Variants in FAM83G observed in about 807,000 individuals in gnomAD.
The protein encoded by FAM83G is protein FAM83G.
FAM83G carries 38 observed loss-of-function variants against 61.5 expected under a neutral mutation model. The ratio of observed to expected loss-of-function variants is 0.62; its 90% confidence interval spans 0.48 to 0.81. FAM83G has a LOEUF of 0.81. Among genes scored for constraint, FAM83G ranks in the 30% least tolerant of loss-of-function variants. The pLI is 0.00. For synonymous variants in FAM83G, 470 were observed against 476.1 expected, an observed-to-expected ratio of 0.99 and a Z score of 0.17; for missense variants, 989 against 1,133.6, an observed-to-expected ratio of 0.87 and a Z score of 1.83.
Position 19,003,751 on chromosome 17 carries a change from G to T in FAM83G, c.291C>A (p.Asp97Glu). 6.2e-7 allele frequency: 1 copy of T among 1,605,584 alleles called. No individual in the cohort carries two copies. The highest frequency in any genetic ancestry group is 1.1e-5 in the South Asian group (1 of 90,640). ...CATCCGCCCCGCTGGCTTCCTCGCC[G>T]TCGCCGACCCCATTGTCCTCGGGCC... is the stretch of plus-strand genomic sequence containing the variant. ...SQGPEDNGVG[D>E]GEEASGADGV... The change falls in exon 2 of 6, where the codon GAC (aspartate) becomes GAA (glutamate). Residue 97 changes from aspartate (D) to glutamate (E), a missense_variant. Transcript: ENST00000388995. This position sits in a 1 kb window ranked among gnomAD's most constrained non-coding sequence, Gnocchi z 4.5.
rs776759928 is a variant in FAM83G at position 18,969,065 on chromosome 17, C to T, written c.*2294G>A. 14 of 1,613,596 alleles carry T rather than the reference C, an allele frequency of 8.7e-6. No homozygotes were observed. The highest frequency in any genetic ancestry group is 3.3e-5 in the Admixed American group (2 of 59,940). On this transcript the variant is annotated 3_prime_UTR_variant, in exon 6 of 6. Coordinates refer to ENST00000388995, the MANE Select transcript of FAM83G (RefSeq NM_001039999.3). ...CTCCCTCCGCAGCTGGACCTGTACG[C>T]GGGGGCTCTGTTTGTGCACATCTGC...
chr17:18,970,963 C>T lies in FAM83G; in HGVS notation c.*396G>A. On this transcript the variant is annotated 3_prime_UTR_variant, in exon 6 of 6. Transcript: ENST00000388995. ...GAAGGCAGGGGGGAGCCCAGGGAGT[C>T]AGGGCCCCGCAACCACCAAACTGTC... The T allele has an allele frequency of 6.3e-7, 1 of 1,578,244 alleles. No individual in the cohort carries two copies. The highest frequency in any genetic ancestry group is 1.1e-5 in the South Asian group (1 of 90,206).
At chr17:18,979,241 A>G (rs2043067586) in intron 4 of FAM83G, 1 of 471,760 alleles carries the variant, frequency 2.1e-6, no homozygotes. Context: ...GGTGGTGCCC[A>G]CAGAGCTGGC....
At chr17:18,992,266 G>C (rs1490418553) in intron 2 of FAM83G, among the ~76,000 whole-genome samples, 1 of 152,132 alleles carries the variant, frequency 6.6e-6, no homozygotes, top group Admixed American at 6.5e-5. Flanking sequence ...CTGTGTCCTT[G>C]GGACAGGGGG....
rs537020289 is a variant in FAM83G at position 18,968,838 on chromosome 17, C to A, written c.*2521G>T. 2 of 573,828 alleles carry A rather than the reference C, an allele frequency of 3.5e-6. No individual in the cohort carries two copies. The highest frequency in any genetic ancestry group is 6.2e-6 in the Non-Finnish European group (2 of 323,246). 35.5% of individuals were successfully genotyped at this position (573,828 alleles called of 1,614,324 possible). ...TGGACTTTATTAGCAACAGTAATGT[C>A]CCCTGACATCCGCACAAGCTTGTAG... On this transcript the variant is annotated 3_prime_UTR_variant, in exon 6 of 6. Transcript: ENST00000388995. This position sits in a 1 kb window ranked among gnomAD's most constrained non-coding sequence, Gnocchi z 4.1.
chr17:18,979,495 A>G (rs1418921602), intron 4 of FAM83G, 54 bp downstream of exon 4: 1 of 1,601,714 alleles, frequency 6.2e-7, no homozygotes. Context: ...GGCAGAAGCC[A>G]GTTGGGAGCC....
intron 2 of FAM83G, among the ~76,000 whole-genome samples, chr17:18,992,284 C>T (rs2043446547): frequency 6.6e-6 from 1 of 152,140 alleles, no homozygotes; most frequent in African/African-American, 2.4e-5. Flanking sequence ...GGGACATCCG[C>T]CTCCATGTGA....
At chr17:18,997,385 G>A (rs980761530) in intron 2 of FAM83G, among the ~76,000 whole-genome samples, 5 of 152,218 alleles carry the variant, frequency 3.3e-5, no homozygotes, top group African/African-American at 4.8e-5. Flanking sequence ...ATCCTTTCCC[G>A]CTGGCCGCAA....
rs1031911852 is a variant in FAM83G, at chr17:18,969,535, G to A, written c.*1824C>T. The A allele has an allele frequency of 1.4e-5, 14 of 1,017,432 alleles. No individual in the cohort carries two copies. The highest frequency in any genetic ancestry group is 7.6e-5 in the East Asian group (3 of 39,578). The allele number at this position is 1,017,432 out of a possible 1,614,324, so 63.0% of individuals were successfully genotyped here. On this transcript the variant is annotated 3_prime_UTR_variant, in exon 6 of 6. Coordinates refer to ENST00000388995, the MANE Select transcript of FAM83G (RefSeq NM_001039999.3). ...TGCCGTTGGGGTTCTGGGTAGCATC[G>A]CTGGGAGTGGGTGGGTTCAGGAGGT...
rs2043822611 is a variant in FAM83G, at chr17:19,004,361, G to A, written c.-128-192C>T. On this transcript the variant is annotated intron_variant, in intron 1 of 5. Transcript: ENST00000388995. This position sits in a 1 kb window ranked among gnomAD's most constrained non-coding sequence, Gnocchi z 5.4. The stretch of plus-strand genomic sequence containing the variant: ...GGATCGGAACAGCGGTGAGGGAGCG[G>A]TGGGCCACGTCCCAGGGCTCAGCGT... 7.5e-6 allele frequency: 2 copies of A among 267,860 alleles called. No homozygotes were observed. Among genetic ancestry groups the A allele is most frequent in the South Asian group, 6.9e-5 (1 of 14,532 alleles). 16.6% of individuals were successfully genotyped at this position (267,860 alleles called of 1,614,324 possible). A position where few individuals can be genotyped will look rare whatever the true frequency, so the allele number is the denominator to read the frequency against.
Position 18,971,573 on chromosome 17 carries a change from C to T in FAM83G, c.2258G>A (p.Arg753His), listed in dbSNP as rs769798616. ...TGGGCTGCCGGGATCCGGAAGCAGG[C>T]GGGGTACCTGACCTCCCTTGGCCTG... Reference protein sequence around the residue: ...HWQAKGGQVPRLLPDPGSPRL... With the variant: ...HWQAKGGQVPHLLPDPGSPRL... Residue 753 changes from arginine to histidine, a missense_variant, in exon 6 of 6, where the codon CGC becomes CAC. This residue lies in a region of FAM83G where 574 missense variants were observed against 645.1 expected (regional missense o/e 0.89). Transcript: ENST00000388995. The surrounding 1 kb of genome is among the most constrained non-coding windows in gnomAD (Gnocchi z 5.5). The T allele has an allele frequency of 2.4e-5, 38 of 1,613,480 alleles. No individual in the cohort carries two copies. Among genetic ancestry groups the T allele is most frequent in the African/African-American group, 4.0e-5 (3 of 74,892 alleles).
At position 18,971,556 on chromosome 17, in the gene FAM83G, C is replaced by T. The variant is rs191412288; in HGVS notation, c.2275G>A (p.Gly759Ser). 1.6e-4 allele frequency: 256 copies of T among 1,613,816 alleles called. No homozygotes were observed. Among genetic ancestry groups the T allele is most frequent in the Middle Eastern group, 4.9e-4 (3 of 6,062 alleles). The change falls in exon 6 of 6, where the codon GGC becomes AGC. Residue 759 changes from glycine to serine, a missense_variant. By Grantham distance (56) the Gly-to-Ser change is moderately conservative. This residue lies in a region of FAM83G where 574 missense variants were observed against 645.1 expected (regional missense o/e 0.89). Coordinates refer to ENST00000388995, the MANE Select transcript of FAM83G (RefSeq NM_001039999.3). This position sits in a 1 kb window ranked among gnomAD's most constrained non-coding sequence, Gnocchi z 5.5. ...GCATTTTGGGCCAGTCTTGGGCTGC[C>T]GGGATCCGGAAGCAGGCGGGGTACC... Reference protein sequence around the residue: ...GQVPRLLPDPGSPRLAQNARP... With the variant: ...GQVPRLLPDPSSPRLAQNARP...
chr17:18,972,953 C>T (rs1364862555), intron 5 of FAM83G, among the ~76,000 whole-genome samples: 3 of 152,166 alleles, frequency 2.0e-5, no homozygotes, highest in South Asian at 2.1e-4. Context: ...ATCTGTAACA[C>T]GTGGTCCTCA....
At position 18,978,113 on chromosome 17, in the gene FAM83G, C is replaced by A; in HGVS notation, c.1553G>T (p.Arg518Leu). 1 of 1,516,938 alleles carries A rather than the reference C, an allele frequency of 6.6e-7. No individual in the cohort carries two copies. 94.0% of individuals were successfully genotyped at this position (1,516,938 alleles called of 1,614,324 possible). Residue 518 changes from arginine to leucine, a missense_variant, in exon 5 of 6, where the codon CGG (arginine) becomes CTG (leucine). Arg to Leu is a moderately radical substitution (Grantham distance 102, BLOSUM62 -2). This residue lies in a region of FAM83G where 574 missense variants were observed against 645.1 expected (regional missense o/e 0.89). Transcript: ENST00000388995. ...RTVPVADVLARDSSDIGWVLE... is the reference protein window; with the variant it reads ...RTVPVADVLALDSSDIGWVLE... The stretch of plus-strand genomic sequence containing the variant: ...GACCCAGCCAATATCACTGCTGTCC[C>A]GGGCTAGTACATCTGCCACAGGGAC...
chr17:18,969,491 C>A lies in FAM83G; in HGVS notation c.*1868G>T. The A allele has an allele frequency of 1.4e-6, 2 of 1,430,168 alleles. No homozygotes were observed. The highest frequency in any genetic ancestry group is 2.3e-5 in the East Asian group (1 of 43,914). 88.6% of individuals were successfully genotyped at this position (1,430,168 alleles called of 1,614,324 possible). A position where few individuals can be genotyped will look rare whatever the true frequency, so the allele number is the denominator to read the frequency against. On this transcript the variant is annotated 3_prime_UTR_variant, in exon 6 of 6. Transcript: ENST00000388995. Reference sequence around the variant, plus strand: ...GAGCCCTTTGGAGTCTGGCACTGCCCGGCACTGTGCAGGATTCATGCCGTT... The same window carrying A: ...GAGCCCTTTGGAGTCTGGCACTGCCAGGCACTGTGCAGGATTCATGCCGTT...
At position 18,988,361 on chromosome 17, in the gene FAM83G, C is replaced by T. The variant is rs143682625; in HGVS notation, c.576G>A (p.Leu192=). 8.1e-4 allele frequency: 1,313 copies of T among 1,614,244 alleles called. 9 individuals carry two copies. The African/African-American group carries it at 0.014, about 17-fold the overall frequency. Residue 192 remains leucine (L), a synonymous_variant, in exon 3 of 6, where the codon CTG becomes CTA. Transcript: ENST00000388995. ...CTTTCCTCTTGAAGCCGGCGTCCAG[C>T]AGGTCCTTGAAGATGTCCACGTCGG... ...MFTDVDIFKD[L]LDAGFKRKVA...
intron 2 of FAM83G, among the ~76,000 whole-genome samples, chr17:18,990,435 C>G (rs958555699): frequency 5.3e-5 from 8 of 152,212 alleles, no homozygotes; most frequent in African/African-American, 1.9e-4. Context: ...TCTGAGCAGG[C>G]AAACAGCCTC....
intron 3 of FAM83G, chr17:18,986,349 T>C (rs988697365): frequency 6.6e-6 from 1 of 152,214 alleles, no homozygotes; most frequent in South Asian, 2.1e-4. Context: ...GTGTTATTAT[T>C]TGTAGTTGTT....
intron 2 of FAM83G, among the ~76,000 whole-genome samples, chr17:18,997,038 T>G (rs1055667873): frequency 6.6e-6 from 1 of 152,202 alleles, no homozygotes; most frequent in Non-Finnish European, 1.5e-5. Flanking sequence ...CCCTTGACAT[T>G]CATCAGCTCT....
Sources: gnomAD v4.1 joint callset for allele counts (sites outside exome capture counted in the v4.1 genomes callset) on GRCh38, gnomAD v4.1.1 for gene constraint, gnomAD v4.1.1 regional missense constraint, Gnocchi (gnomAD v3.1) non-coding constraint, MANE v1.5 for transcripts, NCBI Gene and HGNC (gene_info 2026-07-23, HGNC 2026-07-21) for gene names.